Variants in YES1 observed in about 807,000 individuals in gnomAD.
YES1 encodes tyrosine-protein kinase Yes.
Under a neutral mutation model 70.4 loss-of-function variants are expected in YES1, and 39 were observed. The observed-to-expected ratio is 0.55, with a 90% confidence interval of 0.43 to 0.72. YES1 has a LOEUF of 0.72. Ranked by LOEUF, YES1 falls within the 30% of genes least tolerant of loss-of-function variation. YES1 has a pLI of 0.00. For missense variants in YES1, 495 were observed against 644.8 expected, an observed-to-expected ratio of 0.77 and a Z score of 2.52; for synonymous variants, 198 against 218.6, an observed-to-expected ratio of 0.91 and a Z score of 0.83.
At chr18:738,162 T>C (rs1464009010) in intron 9 of YES1, 1 of 152,090 alleles carries the variant, frequency 6.6e-6, no homozygotes, top group Non-Finnish European at 1.5e-5. Context: ...TTTCTCAGTA[T>C]AAAGCTTTTC....
At chr18:746,659 G>A (rs2080284596) in intron 4 of YES1, among the ~76,000 whole-genome samples, 1 of 152,176 alleles carries the variant, frequency 6.6e-6, no homozygotes, top group Non-Finnish European at 1.5e-5. Flanking sequence ...AACATTGATA[G>A]AGCACCTATC....
chr18:735,161 CA>C lies in YES1; in HGVS notation c.1291+1646del, dbSNP rs71174281. Among the ~76,000 whole-genome samples, 171 of 110,546 alleles carry C rather than the reference CA, an allele frequency of 1.5e-3. 1 individual carries two copies. Among genetic ancestry groups the C allele is most frequent in the Admixed American group, 1.1e-3 (11 of 10,084 alleles). The allele number at this position is 110,546 out of a possible 152,430, so 72.5% of individuals were successfully genotyped here. A position where few individuals can be genotyped will look rare whatever the true frequency, so the allele number is the denominator to read the frequency against. On this transcript the variant is annotated intron_variant, in intron 10 of 11. Transcript: ENST00000314574. Reference sequence around the variant, plus strand: ...AACAGATTGAGACTGTGTCTCAAAGCAAAAAAAAAAAAATCATTATATGAAA... The same window carrying C: ...AACAGATTGAGACTGTGTCTCAAAGCAAAAAAAAAAAATCATTATATGAAA...
intron 11 of YES1, among the ~76,000 whole-genome samples, chr18:728,122 G>A (rs962680267): frequency 2.3e-4 from 35 of 152,086 alleles, no homozygotes; most frequent in African/African-American, 8.2e-4. Context: ...AATCGCTTGA[G>A]CCTAGGATTT....
At position 742,937 on chromosome 18, in the gene YES1, G is replaced by A; in HGVS notation, c.1041C>T (p.Val347=). 1 of 1,593,792 alleles carries A rather than the reference G, an allele frequency of 6.3e-7. No individual in the cohort carries two copies. The highest frequency in any genetic ancestry group is 8.5e-7 in the Non-Finnish European group (1 of 1,174,416). The change falls in exon 8 of 12, where the codon GTC becomes GTT. Residue 347 remains valine (V), a synonymous_variant. Transcript: ENST00000314574. ...AVVSEEPIYI[V]TEFMSKGSLL... The stretch of plus-strand genomic sequence containing the variant: ...ACATACCTTTTGACATAAATTCAGT[G>A]ACAATGTAAATTGGTTCTTCAGAAA...
At chr18:797,740 G>T (rs1198519284) in intron 1 of YES1, among the ~76,000 whole-genome samples, 1 of 152,144 alleles carries the variant, frequency 6.6e-6, no homozygotes, top group Non-Finnish European at 1.5e-5. Flanking sequence ...TTCAGTGTCT[G>T]CATTTATTAA....
At chr18:749,109 C>T (rs1362919489) in intron 3 of YES1, among the ~76,000 whole-genome samples, 1 of 151,958 alleles carries the variant, frequency 6.6e-6, no homozygotes, top group South Asian at 2.1e-4. Flanking sequence ...TGCAGTGAGC[C>T]GAGATCATGC....
chr18:801,980 A>G (rs1292626362), intron 1 of YES1, among the ~76,000 whole-genome samples: 3 of 152,238 alleles, frequency 2.0e-5, no homozygotes, highest in African/African-American at 7.2e-5. Context: ...AAAAGACAGC[A>G]TTTGCTACAG....
chr18:725,814 G>A (rs940561862), intron 11 of YES1, among the ~76,000 whole-genome samples: 2 of 152,134 alleles, frequency 1.3e-5, no homozygotes, highest in African/African-American at 4.8e-5. Flanking sequence ...TGAACGGGAG[G>A]CGGAGGTTGC....
intron 3 of YES1, among the ~76,000 whole-genome samples, chr18:749,124 G>GGACTCCAGCCTGGGCTACAGAGCGA: frequency 6.6e-6 from 1 of 152,170 alleles, no homozygotes; most frequent in East Asian, 1.9e-4. Flanking sequence ...TCATGCCACT[G>GGACTCCAGCCTGGGCTACAGAGCGA]GACTCCAGCC....
intron 3 of YES1, among the ~76,000 whole-genome samples, chr18:748,454 A>G (rs1206778246): frequency 6.6e-6 from 1 of 151,728 alleles, no homozygotes; most frequent in Non-Finnish European, 1.5e-5. Context: ...ATATATTTAC[A>G]GAGTTGTACA....
intron 4 of YES1, among the ~76,000 whole-genome samples, chr18:746,663 A>C (rs2080284662): frequency 6.6e-6 from 1 of 152,252 alleles, no homozygotes; most frequent in Non-Finnish European, 1.5e-5. Context: ...TTGATAGAGC[A>C]CCTATCATAT....
intron 1 of YES1, among the ~76,000 whole-genome samples, chr18:802,723 C>T (rs1397443343): frequency 6.6e-6 from 1 of 152,036 alleles, no homozygotes; most frequent in Non-Finnish European, 1.5e-5. Context: ...CCAGTTCTGC[C>T]GGTTGTGTGA....
chr18:764,876 G>C (rs1415636072), intron 1 of YES1, among the ~76,000 whole-genome samples: 1 of 151,752 alleles, frequency 6.6e-6, no homozygotes, highest in Non-Finnish European at 1.5e-5. Context: ...GGGATTACAG[G>C]TGCACACCAC....
At position 748,263 on chromosome 18, in the gene YES1, G is replaced by A. The variant is rs1251835626; in HGVS notation, c.372-245C>T. Among the ~76,000 whole-genome samples the A allele has an allele frequency of 2.0e-5, 3 of 151,810 alleles. No homozygotes were observed. In the East Asian group the frequency reaches 5.8e-4, roughly 29 times the overall value. On this transcript the variant is annotated intron_variant, in intron 3 of 11. Coordinates refer to ENST00000314574, the MANE Select transcript of YES1 (RefSeq NM_005433.4). ...CAAAATCCTACACACTTAGTTATAAGATTTCTTTTTTTAACACAATTCTTT... is the reference window on the plus strand; with the variant it reads ...CAAAATCCTACACACTTAGTTATAAAATTTCTTTTTTTAACACAATTCTTT...
At chr18:769,288 G>GAC (rs1277147911) in intron 1 of YES1, among the ~76,000 whole-genome samples, 2 of 152,152 alleles carry the variant, frequency 1.3e-5, no homozygotes, top group African/African-American at 4.8e-5. Flanking sequence ...TGTATATTAC[G>GAC]TTCTTGTGAC....
At chr18:772,396 G>A (rs1012223071) in intron 1 of YES1, among the ~76,000 whole-genome samples, 9 of 151,690 alleles carry the variant, frequency 5.9e-5, no homozygotes, top group Admixed American at 3.3e-4. Context: ...AGAACTTATC[G>A]CTTCCCTACC....
At chr18:758,225 C>T (rs1393858453) in intron 1 of YES1, among the ~76,000 whole-genome samples, 2 of 152,130 alleles carry the variant, frequency 1.3e-5, no homozygotes, top group Non-Finnish European at 2.9e-5. Flanking sequence ...TTTTTTCATA[C>T]TGAGCCTTAA....
chr18:787,288 T>C lies in YES1; in HGVS notation c.-9+24826A>G, dbSNP rs562005531. On this transcript the variant is annotated intron_variant, in intron 1 of 11. Coordinates refer to ENST00000314574, the MANE Select transcript of YES1 (RefSeq NM_005433.4). ...CTAATTTTTGTATTTTTAGTAGAGA[T>C]AGGTTTCACCATATTGACCAGGCTG... is the stretch of plus-strand genomic sequence containing the variant. Among the ~76,000 whole-genome samples the C allele has an allele frequency of 1.9e-4, 28 of 151,336 alleles. No individual in the cohort carries two copies. In the South Asian group the frequency reaches 5.4e-3, roughly 29 times the overall value.
chr18:732,992 A>T (rs766169589), intron 10 of YES1, 27 bp from the exon 11 acceptor site: 18 of 1,613,270 alleles, frequency 1.1e-5, no homozygotes, highest in Non-Finnish European at 1.5e-5. Flanking sequence ...CATCTTGCTT[A>T]ATTGTTTTTT....
Sources: allele counts gnomAD v4.1 joint callset (sites outside exome capture counted in the v4.1 genomes callset), GRCh38; gene constraint gnomAD v4.1.1; transcripts MANE v1.5; gene names NCBI Gene and HGNC (gene_info 2026-07-23, HGNC 2026-07-21).